IRAK3: variants seen among roughly 807,000 people sequenced by gnomAD.
IRAK3 encodes the protein interleukin-1 receptor-associated kinase 3.
In IRAK3, 57 loss-of-function variants were observed where a neutral mutation model predicts 56.6. That is an observed-to-expected ratio of 1.01 (90% CI 0.81 to 1.26). The LOEUF (loss-of-function observed/expected upper bound fraction) is 1.26. Ranked by LOEUF, IRAK3 falls within the 50% of genes most tolerant of loss-of-function variation. The probability of loss-of-function intolerance (pLI) is 0.00; values close to 1 mark genes in which losing one functional copy is unlikely to be tolerated. For missense variants in IRAK3, 703 were observed against 719.0 expected, an observed-to-expected ratio of 0.98 and a Z score of 0.25; for synonymous variants, 258 against 255.7, an observed-to-expected ratio of 1.01 and a Z score of -0.09.
Position 66,248,538 on chromosome 12 carries a change from A to G in IRAK3, c.*367A>G, listed in dbSNP as rs570789637. The G allele has an allele frequency of 4.3e-4, 73 of 170,482 alleles. No homozygotes were observed. The highest frequency in any genetic ancestry group is 1.7e-3 in the African/African-American group (72 of 42,082). 10.6% of individuals were successfully genotyped at this position (170,482 alleles called of 1,614,324 possible). A position where few individuals can be genotyped will look rare whatever the true frequency, so the allele number is the denominator to read the frequency against. ...CTCAGTGTGAGTCCTCAGAGCCTCC[A>G]TCTGCCAAGAACATTCAGTTGGATT... is the stretch of plus-strand genomic sequence containing the variant. On this transcript the variant is annotated 3_prime_UTR_variant, in exon 12 of 12. Transcript: ENST00000261233.
At chr12:66,234,472 T>C (rs1226608491) in intron 8 of IRAK3, 46 of 1,611,376 alleles carry the variant, frequency 2.9e-5, no homozygotes, top group Non-Finnish European at 3.8e-5. Flanking sequence ...CAATACTGTA[T>C]GGTGAAGGAT....
chr12:66,234,406 T>C, intron 8 of IRAK3: 2 of 1,610,894 alleles, frequency 1.2e-6, no homozygotes, highest in South Asian at 2.2e-5. Flanking sequence ...GGTAGGCAGA[T>C]ACAGGAGATA....
chr12:66,204,258 A>G (rs1012883049), intron 2 of IRAK3, among the ~76,000 whole-genome samples: 1 of 152,238 alleles, frequency 6.6e-6, no homozygotes, highest in Non-Finnish European at 1.5e-5. Context: ...TATTTGAGAT[A>G]CAGATCATGC....
intron 1 of IRAK3, among the ~76,000 whole-genome samples, chr12:66,191,676 G>C (rs2052401200): frequency 6.6e-6 from 1 of 152,264 alleles, no homozygotes; most frequent in African/African-American, 2.4e-5. Context: ...TGAGGCAACT[G>C]CCTGTGCTAA....
At chr12:66,232,988 A>ATATTATTATTAT (rs147774283) in intron 8 of IRAK3, among the ~76,000 whole-genome samples, 2,883 of 149,532 alleles carry the variant, frequency 0.019, 101 homozygotes, top group African/African-American at 0.068. Context: ...TAACCCTTTG[A>ATATTATTATTAT]TATTATTATT....
chr12:66,196,463 G>A (rs1302353652), intron 1 of IRAK3, among the ~76,000 whole-genome samples: 1 of 152,092 alleles, frequency 6.6e-6, no homozygotes, highest in Non-Finnish European at 1.5e-5. Flanking sequence ...ATATTCACCT[G>A]GGAATGAAAT....
At position 66,211,510 on chromosome 12, in the gene IRAK3, A is replaced by G; in HGVS notation, c.501A>G (p.Lys167=). ...TAGAAGGAACTAGAAATTTCCACAAAGACTTCCTAATTGGAGAAGGAGAGA... is the reference window on the plus strand; with the variant it reads ...TAGAAGGAACTAGAAATTTCCACAAGGACTTCCTAATTGGAGAAGGAGAGA... The part of the protein sequence containing the change: ...NIIEGTRNFH[K]DFLIGEGEIF... Residue 167 remains lysine, a synonymous_variant, in exon 5 of 12, where the codon AAA becomes AAG. Transcript: ENST00000261233. 1 of 1,607,632 alleles carries G rather than the reference A, an allele frequency of 6.2e-7. No individual in the cohort carries two copies. The highest frequency in any genetic ancestry group is 1.1e-5 in the South Asian group (1 of 90,960).
At chr12:66,219,410 C>G (rs1565805141) in intron 6 of IRAK3, among the ~76,000 whole-genome samples, 1 of 152,202 alleles carries the variant, frequency 6.6e-6, no homozygotes. Context: ...AGCACATGCT[C>G]TGTTCTTTTG....
At chr12:66,246,886 CAGATT>C (rs1174927975) in intron 11 of IRAK3, among the ~76,000 whole-genome samples, 2 of 152,170 alleles carry the variant, frequency 1.3e-5, no homozygotes, top group African/African-American at 4.8e-5. Flanking sequence ...TTCTAACATA[CAGATT>C]CCTGGACCTT....
chr12:66,197,947 A>G, intron 1 of IRAK3: 1 of 985,380 alleles, frequency 1.0e-6, no homozygotes, highest in African/African-American at 1.7e-5. Context: ...GAATTTATGG[A>G]AAGTATGGAA....
At chr12:66,209,257 A>G (rs1158787133) in intron 2 of IRAK3, among the ~76,000 whole-genome samples, 199 bp from the exon 3 acceptor site, 1 of 152,162 alleles carries the variant, frequency 6.6e-6, no homozygotes, top group African/African-American at 2.4e-5. Context: ...TTTGTATAAC[A>G]TTTGTTAATT....
chr12:66,200,235 T>C (rs2052493695), intron 1 of IRAK3, among the ~76,000 whole-genome samples: 1 of 152,218 alleles, frequency 6.6e-6, no homozygotes, highest in South Asian at 2.1e-4. Context: ...TAAACTAAGT[T>C]ATGCTGCAGT....
intron 1 of IRAK3, among the ~76,000 whole-genome samples, chr12:66,191,989 G>A (rs2052404354): frequency 6.6e-6 from 1 of 152,226 alleles, no homozygotes; most frequent in Non-Finnish European, 1.5e-5. Flanking sequence ...GATAAGGTAA[G>A]CCAGTCATTC....
intron 11 of IRAK3, 35 bp downstream of exon 11, chr12:66,245,297 C>T: frequency 1.9e-6 from 3 of 1,604,386 alleles, no homozygotes; most frequent in African/African-American, 1.3e-5. Context: ...AAAACTGAGC[C>T]CACAGAACCA....
intron 11 of IRAK3, among the ~76,000 whole-genome samples, chr12:66,245,529 CTTTTTTTTT>C (rs745553622): frequency 1.3e-5 from 1 of 75,390 alleles, no homozygotes; most frequent in South Asian, 5.8e-4. Context: ...TTTATTCAAT[CTTTTTTTTT>C]TTTTTTTTTT....
chr12:66,219,042 G>GTGTA (rs1260332848), intron 6 of IRAK3, among the ~76,000 whole-genome samples: 4 of 145,388 alleles, frequency 2.8e-5, no homozygotes, highest in African/African-American at 1.1e-4. Context: ...TCGTGTGTGT[G>GTGTA]TGTGTGTATG....
At chr12:66,208,386 C>G (rs1412587298) in intron 2 of IRAK3, among the ~76,000 whole-genome samples, 2 of 151,924 alleles carry the variant, frequency 1.3e-5, no homozygotes, top group South Asian at 2.1e-4. Context: ...TACTTTATGG[C>G]ACAAGATGAT....
chr12:66,234,474 G>T, intron 8 of IRAK3: 1 of 1,611,488 alleles, frequency 6.2e-7, no homozygotes, highest in Non-Finnish European at 8.5e-7. Context: ...ATACTGTATG[G>T]TGAAGGATAA....
intron 1 of IRAK3, among the ~76,000 whole-genome samples, chr12:66,194,401 G>A (rs988839658): frequency 6.6e-6 from 1 of 151,972 alleles, no homozygotes; most frequent in Admixed American, 6.6e-5. Context: ...ACCTCCCACC[G>A]CTCCATTGAA....
Sources: gnomAD v4.1 joint callset for allele counts (sites outside exome capture counted in the v4.1 genomes callset) on GRCh38, gnomAD v4.1.1 for gene constraint, MANE v1.5 for transcripts, NCBI Gene and HGNC (gene_info 2026-07-23, HGNC 2026-07-21) for gene names.